The following NEDD4L variants were observed in gnomAD, a reference collection of about 807,000 sequenced individuals.
NEDD4L encodes the protein NEDD4 like E3 ubiquitin protein ligase.
In NEDD4L, 54 loss-of-function variants were observed where a neutral mutation model predicts 148.9. The observed-to-expected ratio is 0.36, with a 90% CI of 0.29 to 0.45. NEDD4L has a LOEUF of 0.45. Among genes scored for constraint, NEDD4L ranks in the 20% least tolerant of loss-of-function variants. NEDD4L has a pLI of 1.00. For missense variants in NEDD4L, 856 were observed against 1,233.8 expected (o/e 0.69, Z 4.59); for synonymous variants, 433 against 440.7 (o/e 0.98, Z 0.22).
chr18:58,157,581 C>G (rs73448442), intron 1 of NEDD4L, among the ~76,000 whole-genome samples: 1 of 152,068 alleles, frequency 6.6e-6, no homozygotes, highest in Non-Finnish European at 1.5e-5. Flanking sequence ...TTCATACTTA[C>G]AAATGATCAT....
chr18:58,258,244 T>C (rs2048863423), intron 5 of NEDD4L, among the ~76,000 whole-genome samples: 2 of 152,232 alleles, frequency 1.3e-5, no homozygotes, highest in African/African-American at 4.8e-5. Context: ...TGTTTTGATA[T>C]TATAGTAGCC....
At chr18:58,280,343 G>A (rs773562332) in intron 5 of NEDD4L, among the ~76,000 whole-genome samples, 2 of 152,178 alleles carry the variant, frequency 1.3e-5, no homozygotes, top group Non-Finnish European at 2.9e-5. Context: ...TGTGTTCCGT[G>A]CCACTGTCCA....
intron 2 of NEDD4L, among the ~76,000 whole-genome samples, chr18:58,239,705 A>G (rs2046414445): frequency 6.6e-6 from 1 of 152,196 alleles, no homozygotes; most frequent in Non-Finnish European, 1.5e-5. Context: ...CAATGGAGCA[A>G]ACCCAGAAAA....
rs992189415 is a variant in NEDD4L at position 58,166,798 on chromosome 18, C to T, written c.122+937C>T. Among the ~76,000 whole-genome samples the T allele has an allele frequency of 2.6e-5, 4 of 152,118 alleles. No individual in the cohort carries two copies. The South Asian group carries it at 8.3e-4, about 32-fold the overall frequency. On this transcript the variant is annotated intron_variant, in intron 2 of 30. Coordinates refer to ENST00000400345, the MANE Select transcript of NEDD4L (RefSeq NM_001144967.3). ...GGAGAGTTCCAGCCACTGGATTCTC[C>T]CTCAGTCCCCTGTGCTGTGGCCCTT...
intron 1 of NEDD4L, among the ~76,000 whole-genome samples, chr18:58,138,853 C>T (rs770403674): frequency 2.0e-5 from 3 of 152,216 alleles, no homozygotes; most frequent in Non-Finnish European, 4.4e-5. Context: ...CTTCCAATAC[C>T]GCCATCTTGG....
At position 58,044,278 on chromosome 18, in the gene NEDD4L, G is replaced by C. The variant is rs1482434784; in HGVS notation, c.-383G>C. 7.3e-5 allele frequency: 11 copies of C among 151,062 alleles called. No homozygotes were observed. Among genetic ancestry groups the C allele is most frequent in the Admixed American group, 7.3e-4 (11 of 15,146 alleles). The allele number at this position is 151,062 out of a possible 1,614,324, so 9.4% of individuals were successfully genotyped here. ...GAGGAGGCGGGCGAGCCGGGTCCCC[G>C]GGAGCGCAGAGGAGGCTCGGAGGGG... On this transcript the variant is annotated 5_prime_UTR_variant, in exon 1 of 31. Coordinates refer to ENST00000400345, the MANE Select transcript of NEDD4L (RefSeq NM_001144967.3).
At chr18:58,319,308 T>C (rs1308073390) in intron 6 of NEDD4L, among the ~76,000 whole-genome samples, 5 of 152,254 alleles carry the variant, frequency 3.3e-5, no homozygotes, top group Admixed American at 2.6e-4. Context: ...TGGTCAAGGG[T>C]GTGGGCATGG....
chr18:58,083,827 A>G (rs1352400842), intron 1 of NEDD4L, among the ~76,000 whole-genome samples: 1 of 152,192 alleles, frequency 6.6e-6, no homozygotes, highest in African/African-American at 2.4e-5. Flanking sequence ...ACATTCATAC[A>G]TGTTGCAATA....
chr18:58,321,568 T>C (rs757331347), intron 6 of NEDD4L, among the ~76,000 whole-genome samples: 3 of 152,242 alleles, frequency 2.0e-5, no homozygotes, highest in Non-Finnish European at 2.9e-5. Flanking sequence ...ATTGAGAGTT[T>C]AAAGCAGAGA....
At chr18:58,350,623 A>G (rs1478463494) in intron 17 of NEDD4L, among the ~76,000 whole-genome samples, 2 of 152,218 alleles carry the variant, frequency 1.3e-5, no homozygotes, top group Admixed American at 1.3e-4. Flanking sequence ...CATGTCTAAC[A>G]TTTTTATATT....
chr18:58,176,471 G>A (rs1004340246), intron 2 of NEDD4L, among the ~76,000 whole-genome samples: 4 of 152,158 alleles, frequency 2.6e-5, no homozygotes, highest in Non-Finnish European at 5.9e-5. Flanking sequence ...CAGTAGCTGG[G>A]AGTACAGGCA....
At chr18:58,233,276 G>T (rs1307917390) in intron 2 of NEDD4L, among the ~76,000 whole-genome samples, 2 of 152,074 alleles carry the variant, frequency 1.3e-5, no homozygotes, top group Non-Finnish European at 2.9e-5. Context: ...CCGTTTTCAC[G>T]CTGCTGGTAA....
At chr18:58,282,721 T>C (rs114577568) in intron 5 of NEDD4L, among the ~76,000 whole-genome samples, 2,037 of 152,292 alleles carry the variant, frequency 0.013, 38 homozygotes, top group African/African-American at 0.047. Context: ...TGCTACTGTA[T>C]ATGAGCTCAT....
At chr18:58,298,914 A>G (rs1338463936) in intron 5 of NEDD4L, among the ~76,000 whole-genome samples, 1 of 152,274 alleles carries the variant, frequency 6.6e-6, no homozygotes, top group Non-Finnish European at 1.5e-5. Flanking sequence ...ATACTGATTC[A>G]TGACATGACT....
chr18:58,044,648 G>A lies in NEDD4L; in HGVS notation c.-13G>A. 1 of 1,597,990 alleles carries A rather than the reference G, an allele frequency of 6.3e-7. No individual in the cohort carries two copies. The highest frequency in any genetic ancestry group is 2.3e-5 in the East Asian group (1 of 43,170). On this transcript the variant is annotated 5_prime_UTR_variant, in exon 1 of 31. Coordinates refer to ENST00000400345, the MANE Select transcript of NEDD4L (RefSeq NM_001144967.3). ...CTGGGAGCGCCTCAGACCCCGCGCG[G>A]GGCGCCGGCTCCATGGCGACCGGGC...
rs202059094 is a variant in NEDD4L, at chr18:58,349,490, C to T, written c.1576-47C>T. 28 of 1,497,394 alleles carry T rather than the reference C, an allele frequency of 1.9e-5. No individual in the cohort carries two copies. The African/African-American group carries it at 3.4e-4, about 18-fold the overall frequency. 92.8% of individuals were successfully genotyped at this position (1,497,394 alleles called of 1,614,324 possible). A position where few individuals can be genotyped will look rare whatever the true frequency, so the allele number is the denominator to read the frequency against. ...AAGAAAAGCACCCAGTAACTGCACACAGATACTTCCACTTAGCATCTACTG... is the reference window on the plus strand; with the variant it reads ...AAGAAAAGCACCCAGTAACTGCACATAGATACTTCCACTTAGCATCTACTG... On this transcript the variant is annotated intron_variant, in intron 16 of 30. Coordinates refer to ENST00000400345, the MANE Select transcript of NEDD4L (RefSeq NM_001144967.3).
chr18:58,139,023 C>T (rs906321182), intron 1 of NEDD4L, among the ~76,000 whole-genome samples: 1 of 152,190 alleles, frequency 6.6e-6, no homozygotes, highest in Non-Finnish European at 1.5e-5. Context: ...AGCCTAAGGC[C>T]CATGCCTGGA....
rs1365707761 is a variant in NEDD4L, at chr18:58,146,768, G to A, written c.49-19020G>A. On this transcript the variant is annotated intron_variant, in intron 1 of 30. Transcript: ENST00000400345. ...CTCAAGGTCAGCTTCCTGAGCCTGC[G>A]GTGTGGTCCCTTGCTCCACACTCAG... is the stretch of plus-strand genomic sequence containing the variant. 5.9e-5 allele frequency among the ~76,000 whole-genome samples: 9 copies of A among 152,170 alleles called. No individual in the cohort carries two copies. In the South Asian group the frequency reaches 8.3e-4, roughly 14 times the overall value.
intron 5 of NEDD4L, among the ~76,000 whole-genome samples, chr18:58,313,190 C>T (rs1043319068): frequency 2.0e-5 from 3 of 152,168 alleles, no homozygotes; most frequent in African/African-American, 7.2e-5. Context: ...AAATAATTTC[C>T]ATCTCTATTC....
Sources: allele counts gnomAD v4.1 joint callset (sites outside exome capture counted in the v4.1 genomes callset), GRCh38; gene constraint gnomAD v4.1.1; transcripts MANE v1.5; gene names NCBI Gene and HGNC (gene_info 2026-07-23, HGNC 2026-07-21).